DIAPH3: variants seen among roughly 807,000 people sequenced by gnomAD.
DIAPH3 encodes diaphanous related formin 3, also known as protein diaphanous homolog 3.
A neutral mutation model predicts 144.3 loss-of-function variants in DIAPH3; 117 were observed. The observed-to-expected ratio is 0.81, with a 90% CI of 0.70 to 0.95. The LOEUF (loss-of-function observed/expected upper bound fraction) is 0.95, where lower values mean the gene tolerates loss of function less well. Ranked by LOEUF, DIAPH3 falls within the 40% of genes least tolerant of loss-of-function variation. The pLI is 0.00. For missense variants in DIAPH3, 1,421 were observed against 1,412.7 expected (o/e 1.01, Z -0.09); for synonymous variants, 519 against 488.9 (o/e 1.06, Z -0.81).
intron 20 of DIAPH3, among the ~76,000 whole-genome samples, chr13:59,907,803 T>C (rs1470288796): frequency 1.3e-5 from 2 of 152,224 alleles, no homozygotes; most frequent in Non-Finnish European, 2.9e-5. Flanking sequence ...AGTATCCATG[T>C]CTACTACATA....
At chr13:59,669,601 C>T (rs2138580362) in intron 27 of DIAPH3, among the ~76,000 whole-genome samples, 1 of 152,212 alleles carries the variant, frequency 6.6e-6, no homozygotes, top group East Asian at 1.9e-4. Context: ...GTGACTTTTG[C>T]TTGTCTATTC....
intron 17 of DIAPH3, among the ~76,000 whole-genome samples, chr13:59,960,733 C>T (rs1475521297): frequency 6.6e-6 from 1 of 152,126 alleles, no homozygotes; most frequent in African/African-American, 2.4e-5. Flanking sequence ...CCCCCAAAGT[C>T]ACCAGTTCTA....
intron 14 of DIAPH3, among the ~76,000 whole-genome samples, chr13:59,975,479 C>A (rs2050626186): frequency 1.3e-5 from 2 of 151,968 alleles, no homozygotes; most frequent in African/African-American, 2.4e-5. Context: ...AACTATGCCA[C>A]CTCCCTGCAA....
chr13:60,084,310 GT>G (rs2057679041), intron 4 of DIAPH3, among the ~76,000 whole-genome samples: 1 of 151,708 alleles, frequency 6.6e-6, no homozygotes, highest in Admixed American at 6.6e-5. Context: ...TTTTTTTGAT[GT>G]TTTCTGTAAC....
At chr13:59,828,008 C>G (rs1240731980) in intron 24 of DIAPH3, among the ~76,000 whole-genome samples, 1 of 151,950 alleles carries the variant, frequency 6.6e-6, no homozygotes, top group Non-Finnish European at 1.5e-5. Context: ...AATCTAAAAC[C>G]AGTCACAAAT....
rs771970114 is a variant in DIAPH3 at position 59,924,778 on chromosome 13, G to A, written c.2167C>T (p.Leu723Phe). The A allele has an allele frequency of 8.1e-6, 13 of 1,600,592 alleles. No homozygotes were observed. Among genetic ancestry groups the A allele is most frequent in the Non-Finnish European group, 9.4e-6 (11 of 1,170,910 alleles). The change falls in exon 18 of 28, where the codon CTT becomes TTT. Residue 723 changes from leucine to phenylalanine, a missense_variant. Leu to Phe is a conservative substitution (Grantham distance 22). Coordinates refer to ENST00000400324, the MANE Select transcript of DIAPH3 (RefSeq NM_001042517.2). The part of the protein sequence containing the change: ...KFLDSKIAQN[L>F]SIFLSSFRVP... ...GGTATTGGAATATGATACTTACAAA[G>A]GTTCTGGGCAATTTTAGAATCTAAA...
intron 21 of DIAPH3, among the ~76,000 whole-genome samples, chr13:59,869,758 T>A (rs1184580223): frequency 6.6e-6 from 1 of 152,218 alleles, no homozygotes; most frequent in Admixed American, 6.5e-5. Flanking sequence ...ATCCCTTCAA[T>A]ATCTTTTCAT....
intron 25 of DIAPH3, among the ~76,000 whole-genome samples, chr13:59,810,207 T>TGG (rs1040108351): frequency 6.6e-6 from 1 of 152,150 alleles, no homozygotes; most frequent in Non-Finnish European, 1.5e-5. Context: ...TCTCCCAGGC[T>TGG]GGAGTGCAGT....
chr13:59,822,172 G>GT (rs1270896476), intron 24 of DIAPH3, among the ~76,000 whole-genome samples: 6 of 152,066 alleles, frequency 3.9e-5, no homozygotes, highest in Admixed American at 2.6e-4. Flanking sequence ...TTGTAATAAA[G>GT]TTTTTCCCAA....
At chr13:59,779,227 A>G (rs1364263932) in intron 25 of DIAPH3, among the ~76,000 whole-genome samples, 1 of 152,220 alleles carries the variant, frequency 6.6e-6, no homozygotes, top group South Asian at 2.1e-4. Flanking sequence ...AACAACTTGC[A>G]TTCTAGTCTG....
intron 25 of DIAPH3, among the ~76,000 whole-genome samples, chr13:59,802,644 ATATTATTATTAT>A (rs777931224): frequency 1.8e-4 from 11 of 61,582 alleles, no homozygotes; most frequent in Non-Finnish European, 2.4e-4. Flanking sequence ...TTATTGATCT[ATATTATTATTAT>A]TATTATTATT....
In DIAPH3 at chr13:59,843,012, G is replaced by A. The variant is rs190953731; in HGVS notation, c.2738-3564C>T. 3.9e-5 allele frequency among the ~76,000 whole-genome samples: 6 copies of A among 152,074 alleles called. No homozygotes were observed. In the East Asian group the frequency reaches 5.8e-4, roughly 15 times the overall value. Reference sequence around the variant, plus strand: ...TTGAGCTCAATCTTCAGCCCCTCTCGCACCCATACATTGGGTATAAGCCCA... The same window carrying A: ...TTGAGCTCAATCTTCAGCCCCTCTCACACCCATACATTGGGTATAAGCCCA... On this transcript the variant is annotated intron_variant, in intron 22 of 27. Coordinates refer to ENST00000400324, the MANE Select transcript of DIAPH3 (RefSeq NM_001042517.2).
At chr13:59,983,926 T>C (rs1227008639) in intron 12 of DIAPH3, 39 bp from the exon 13 acceptor site, 4 of 1,345,592 alleles carry the variant, frequency 3.0e-6, no homozygotes, top group East Asian at 4.6e-5. Flanking sequence ...AATTGATAAT[T>C]AGTGTAACTT....
At chr13:59,762,536 A>G (rs559732426) in intron 27 of DIAPH3, among the ~76,000 whole-genome samples, 1 of 152,280 alleles carries the variant, frequency 6.6e-6, no homozygotes, top group South Asian at 2.1e-4. Flanking sequence ...AAAGTAAAAT[A>G]GTATCTAGGA....
At chr13:59,791,692 G>A (rs1037393752) in intron 25 of DIAPH3, among the ~76,000 whole-genome samples, 1 of 152,170 alleles carries the variant, frequency 6.6e-6, no homozygotes, top group Admixed American at 6.5e-5. Context: ...GGCACAAAGA[G>A]GTAGTAGCTT....
At chr13:59,722,430 C>T (rs2035391470) in intron 27 of DIAPH3, among the ~76,000 whole-genome samples, 1 of 152,218 alleles carries the variant, frequency 6.6e-6, no homozygotes. Flanking sequence ...CTAAAAACCA[C>T]ATCAGAGACC....
At position 60,142,944 on chromosome 13, in the gene DIAPH3, G is replaced by A. The variant is rs775486377; in HGVS notation, c.181-9955C>T. On this transcript the variant is annotated intron_variant, in intron 1 of 27. Coordinates refer to ENST00000400324, the MANE Select transcript of DIAPH3 (RefSeq NM_001042517.2). ...TTTTCTTTTTTTTTTTATAGACGGC[G>A]GTCCCACTATGTTGCCCAGACTGGT... Among the ~76,000 whole-genome samples the A allele has an allele frequency of 6.6e-5, 10 of 150,440 alleles. No individual in the cohort carries two copies. In the East Asian group the frequency reaches 7.8e-4, roughly 12 times the overall value.
chr13:60,076,056 T>C lies in DIAPH3; in HGVS notation c.495+17572A>G, dbSNP rs574851878. Among the ~76,000 whole-genome samples, 102 of 152,328 alleles carry C rather than the reference T, an allele frequency of 6.7e-4. 3 individuals are homozygous for C. The South Asian group carries it at 0.021, about 31-fold the overall frequency. On this transcript the variant is annotated intron_variant, in intron 4 of 27. Transcript: ENST00000400324. The stretch of plus-strand genomic sequence containing the variant: ...GTCACAGTCAATGCCTTCTGAAAGA[T>C]CCACATCTGACCAATGTTTTGGCAC...
intron 4 of DIAPH3, among the ~76,000 whole-genome samples, chr13:60,044,899 A>G (rs1183656337): frequency 1.3e-5 from 2 of 152,114 alleles, no homozygotes; most frequent in African/African-American, 4.8e-5. Flanking sequence ...TGATGGTTTT[A>G]AAAGGGGCTT....
Sources: allele counts gnomAD v4.1 joint callset (sites outside exome capture counted in the v4.1 genomes callset), GRCh38; gene constraint gnomAD v4.1.1; transcripts MANE v1.5; gene names NCBI Gene and HGNC (gene_info 2026-07-23, HGNC 2026-07-21).